Variants in SERAC1 observed in about 807,000 individuals in gnomAD.
SERAC1 encodes protein SERAC1.
A neutral mutation model predicts 85.7 loss-of-function variants in SERAC1; 36 were observed. That is an observed-to-expected ratio of 0.42 (90% CI 0.32 to 0.55). The LOEUF (loss-of-function observed/expected upper bound fraction) is 0.55, where lower values mean the gene tolerates loss of function less well. SERAC1 is among the 20% of genes least tolerant of loss of function. The pLI is 0.11. For missense variants in SERAC1, 629 were observed against 796.2 expected, an observed-to-expected ratio of 0.79 and a Z score of 2.53; for synonymous variants, 242 against 265.3, an observed-to-expected ratio of 0.91 and a Z score of 0.85.
intron 12 of SERAC1, among the ~76,000 whole-genome samples, chr6:158,118,511 A>T (rs773215250): frequency 6.6e-6 from 1 of 151,504 alleles, no homozygotes; most frequent in Non-Finnish European, 1.5e-5. Flanking sequence ...CCAGCTACTC[A>T]GGAGGCTGAG....
intron 1 of SERAC1, among the ~76,000 whole-genome samples, chr6:158,159,965 G>C (rs897947132): frequency 1.3e-5 from 2 of 152,154 alleles, no homozygotes; most frequent in African/African-American, 2.4e-5. Flanking sequence ...GACTTGCTTT[G>C]TTACCTGATT....
Position 158,128,188 on chromosome 6 carries a change from G to A in SERAC1, c.935C>T (p.Pro312Leu), listed in dbSNP as rs1455975616. The A allele has an allele frequency of 6.2e-7, 1 of 1,613,978 alleles. No individual in the cohort carries two copies. Among genetic ancestry groups the A allele is most frequent in the African/African-American group, 1.3e-5 (1 of 74,906 alleles). ...ACGCATTATATTTCTCTGTACTTTA[G>A]GGCAGTCCTTGTGAAGTCGGTACAG... ...QRLYRLHKDC[P>L]KVQRNIMRVI... Residue 312 changes from proline (P) to leucine (L), a missense_variant, in exon 10 of 17, where the codon CCT (proline) becomes CTT (leucine). By Grantham distance (98) the Pro-to-Leu change is moderately conservative (BLOSUM62 -3). Transcript: ENST00000647468.
Position 158,150,444 on chromosome 6 carries a change from T to C in SERAC1, c.265+9A>G, listed in dbSNP as rs1785175733. 3.2e-6 allele frequency: 5 copies of C among 1,553,146 alleles called. No individual in the cohort carries two copies. The highest frequency in any genetic ancestry group is 3.5e-6 in the Non-Finnish European group (4 of 1,131,904). On this transcript the variant is annotated intron_variant, in intron 4 of 16. Coordinates refer to ENST00000647468, the MANE Select transcript of SERAC1 (RefSeq NM_032861.4). ...TTTTTCACAGAGGATTACTTTACAA[T>C]AAACTTACCATGATTTTCTCCTTTG... is the stretch of plus-strand genomic sequence containing the variant.
chr6:158,156,569 G>T (rs1426422163), intron 2 of SERAC1, among the ~76,000 whole-genome samples: 1 of 151,532 alleles, frequency 6.6e-6, no homozygotes, highest in Non-Finnish European at 1.5e-5. Flanking sequence ...TGTAATTCCT[G>T]CCCTAAACTG....
At chr6:158,123,164 A>C (rs1283771697) in intron 10 of SERAC1, among the ~76,000 whole-genome samples, 2 of 152,248 alleles carry the variant, frequency 1.3e-5, no homozygotes, top group Non-Finnish European at 2.9e-5. Flanking sequence ...AGGTATATGT[A>C]GGTAACTCTT....
intron 8 of SERAC1, among the ~76,000 whole-genome samples, chr6:158,137,376 G>A (rs912956295): frequency 2.6e-5 from 4 of 151,562 alleles, no homozygotes; most frequent in Non-Finnish European, 5.9e-5. Context: ...TTTTTTGTTT[G>A]TTTGTTTGTT....
intron 15 of SERAC1, chr6:158,114,533 T>G: frequency 8.3e-7 from 1 of 1,206,190 alleles, no homozygotes; most frequent in Non-Finnish European, 1.0e-6. Context: ...AAACATTATC[T>G]GATTATTTTT....
chr6:158,112,042 A>T (rs1784155725), intron 16 of SERAC1: 1 of 152,474 alleles, frequency 6.6e-6, no homozygotes, highest in Non-Finnish European at 1.5e-5. Context: ...GGTGGTGGTT[A>T]TGAAGGAAGA....
intron 1 of SERAC1, among the ~76,000 whole-genome samples, chr6:158,167,217 C>G (rs1040499545): frequency 1.8e-5 from 2 of 112,852 alleles, no homozygotes; most frequent in Admixed American, 2.3e-4. Context: ...TGAACACACA[C>G]GATGTTAAAA....
At chr6:158,142,991 C>T in intron 8 of SERAC1, 65 bp downstream of exon 8, 1 of 1,337,182 alleles carries the variant, frequency 7.5e-7, no homozygotes, top group Non-Finnish European at 1.1e-6. Flanking sequence ...ATGCCAGCCA[C>T]TGACACAATA....
rs1784373144 is a variant in SERAC1, at chr6:158,119,574, G to T, written c.1167-404C>A. ...TTTCAAAGTCAGTATATATAAAAGAGATTTTCAAAAATGTGTTAAGGAAAC... is the reference window on the plus strand; with the variant it reads ...TTTCAAAGTCAGTATATATAAAAGATATTTTCAAAAATGTGTTAAGGAAAC... On this transcript the variant is annotated intron_variant, in intron 11 of 16. Transcript: ENST00000647468. The surrounding 1 kb of genome is among the most constrained non-coding windows in gnomAD (Gnocchi z 4.5). 6.6e-6 allele frequency among the ~76,000 whole-genome samples: 1 copy of T among 152,132 alleles called. No individual in the cohort carries two copies. Among genetic ancestry groups the T allele is most frequent in the South Asian group, 2.1e-4 (1 of 4,824 alleles).
At chr6:158,144,065 A>G (rs187135754) in intron 7 of SERAC1, among the ~76,000 whole-genome samples, 73 of 152,318 alleles carry the variant, frequency 4.8e-4, no homozygotes, top group Middle Eastern at 3.4e-3. Context: ...ATGTCACCCA[A>G]TGGTTTATAG....
At chr6:158,139,605 G>T (rs1204099984) in intron 8 of SERAC1, among the ~76,000 whole-genome samples, 1 of 152,210 alleles carries the variant, frequency 6.6e-6, no homozygotes, top group African/African-American at 2.4e-5. Context: ...CACACCTGTA[G>T]CCTCAGCTAT....
intron 16 of SERAC1, 31 bp from the exon 17 acceptor site, chr6:158,111,533 A>G: frequency 6.5e-7 from 1 of 1,536,720 alleles, no homozygotes; most frequent in South Asian, 1.2e-5. Flanking sequence ...AATAAACCTA[A>G]GTAAAAATAT....
At chr6:158,132,338 A>T (rs995680964) in intron 8 of SERAC1, among the ~76,000 whole-genome samples, 2 of 152,102 alleles carry the variant, frequency 1.3e-5, no homozygotes, top group Admixed American at 1.3e-4. Context: ...CTCGTATATA[A>T]TATTATTTTT....
rs1341581181 is a variant in SERAC1 at position 158,120,448 on chromosome 6, C to A, written c.1143G>T (p.Val381=). The change falls in exon 11 of 17, where the codon GTG becomes GTT. Residue 381 remains valine, a synonymous_variant. Coordinates refer to ENST00000647468, the MANE Select transcript of SERAC1 (RefSeq NM_032861.4). The surrounding 1 kb of genome is among the most constrained non-coding windows in gnomAD (Gnocchi z 4.4). The stretch of plus-strand genomic sequence containing the variant: ...ACCTTGTTCGATATTGGGGATGCAG[C>A]ACATATACGCCATCCTGATATTTTT... ...VQEKYQDGVY[V]LHPQYRTSQP... 2 of 1,613,014 alleles carry A rather than the reference C, an allele frequency of 1.2e-6. No individual in the cohort carries two copies. Among genetic ancestry groups the A allele is most frequent in the Non-Finnish European group, 1.7e-6 (2 of 1,179,526 alleles).
intron 10 of SERAC1, among the ~76,000 whole-genome samples, chr6:158,122,756 G>A (rs1470133163): frequency 6.6e-6 from 1 of 152,134 alleles, no homozygotes; most frequent in Non-Finnish European, 1.5e-5. Flanking sequence ...CTCCAGCCTG[G>A]GCAACAGAGT....
intron 8 of SERAC1, among the ~76,000 whole-genome samples, chr6:158,142,617 T>C (rs1337656051): frequency 4.6e-5 from 7 of 151,928 alleles, no homozygotes; most frequent in Non-Finnish European, 4.4e-5. Context: ...GCTGGGACTA[T>C]GGGCATGTGC....
chr6:158,149,860 T>C (rs768713801), intron 4 of SERAC1, among the ~76,000 whole-genome samples: 1 of 152,220 alleles, frequency 6.6e-6, no homozygotes, highest in East Asian at 1.9e-4. Context: ...GAGTCAAGTA[T>C]GTGACTCACC....
Sources: allele counts gnomAD v4.1 joint callset (sites outside exome capture counted in the v4.1 genomes callset), GRCh38; gene constraint gnomAD v4.1.1; non-coding constraint Gnocchi (gnomAD v3.1); transcripts MANE v1.5; gene names NCBI Gene and HGNC (gene_info 2026-07-23, HGNC 2026-07-21).